The following TYR variants were observed in gnomAD, a reference collection of about 807,000 sequenced individuals.
The protein encoded by TYR is tyrosinase.
In TYR, 58 loss-of-function variants were observed where a neutral mutation model predicts 51.5. The observed-to-expected ratio is 1.13, with a 90% CI of 0.91 to 1.40. The LOEUF (loss-of-function observed/expected upper bound fraction) is 1.40, where lower values mean the gene tolerates loss of function less well. Among genes scored for constraint, TYR ranks in the 40% most tolerant of loss-of-function variants. The pLI is 0.00. For synonymous variants in TYR, 263 were observed against 235.2 expected (o/e 1.12, Z -1.08); for missense variants, 732 against 647.4 (o/e 1.13, Z -1.42).
intron 2 of TYR, among the ~76,000 whole-genome samples, chr11:89,194,540 C>G (rs1221238495): frequency 6.6e-6 from 1 of 152,178 alleles, no homozygotes; most frequent in Non-Finnish European, 1.5e-5. Context: ...ATTTCTTCTA[C>G]AGTTGGCATC....
chr11:89,242,663 A>G (rs1482380657), intron 3 of TYR, among the ~76,000 whole-genome samples: 1 of 152,190 alleles, frequency 6.6e-6, no homozygotes, highest in Admixed American at 6.5e-5. Flanking sequence ...GGAGTGGTTA[A>G]TGGCAGTGTG....
chr11:89,223,979 A>T (rs1305475766), intron 2 of TYR, among the ~76,000 whole-genome samples: 1 of 151,020 alleles, frequency 6.6e-6, no homozygotes, highest in Non-Finnish European at 1.5e-5. Context: ...TATAGTAGTG[A>T]GTAATGAAAT....
intron 3 of TYR, among the ~76,000 whole-genome samples, chr11:89,260,230 C>A (rs934864374): frequency 6.7e-6 from 1 of 150,366 alleles, no homozygotes; most frequent in African/African-American, 2.4e-5. Context: ...TTGAGAGTAG[C>A]CACTTTGAAG....
intron 1 of TYR, 59 bp downstream of exon 1, chr11:89,178,831 C>T: frequency 6.4e-7 from 1 of 1,566,224 alleles, no homozygotes. Flanking sequence ...ATCACTTCTT[C>T]AGGCAGGGTA....
intron 3 of TYR, among the ~76,000 whole-genome samples, chr11:89,258,883 G>A (rs1199797600): frequency 6.6e-6 from 1 of 151,986 alleles, no homozygotes; most frequent in African/African-American, 2.4e-5. Context: ...AGCAGCCAGT[G>A]CCTTTGCCAC....
intron 3 of TYR, among the ~76,000 whole-genome samples, chr11:89,243,033 G>A (rs1466665240): frequency 6.6e-6 from 1 of 152,156 alleles, no homozygotes; most frequent in East Asian, 1.9e-4. Flanking sequence ...AGGTGATACT[G>A]AATAATAAGA....
intron 3 of TYR, among the ~76,000 whole-genome samples, chr11:89,265,990 A>G (rs1214627524): frequency 6.6e-6 from 1 of 152,036 alleles, no homozygotes; most frequent in Non-Finnish European, 1.5e-5. Flanking sequence ...ATATCTAACT[A>G]CTATTTTGGG....
At chr11:89,270,878 A>G (rs1944580246) in intron 3 of TYR, among the ~76,000 whole-genome samples, 1 of 151,838 alleles carries the variant, frequency 6.6e-6, no homozygotes, top group Admixed American at 6.6e-5. Context: ...TGGACACAGG[A>G]CATATAATGA....
intron 1 of TYR, among the ~76,000 whole-genome samples, chr11:89,183,797 C>T (rs1212876766): frequency 2.0e-5 from 3 of 152,052 alleles, no homozygotes; most frequent in East Asian, 3.9e-4. Flanking sequence ...CAGTGTTATA[C>T]ACCCAAAGTT....
At chr11:89,265,690 T>G (rs995622607) in intron 3 of TYR, among the ~76,000 whole-genome samples, 2 of 152,054 alleles carry the variant, frequency 1.3e-5, no homozygotes. Flanking sequence ...ACAAATTGTT[T>G]GTTAGCAGAA....
chr11:89,291,244 A>T (rs1385918807), intron 4 of TYR, among the ~76,000 whole-genome samples: 1 of 151,966 alleles, frequency 6.6e-6, no homozygotes, highest in African/African-American at 2.4e-5. Context: ...AGATTCTAGA[A>T]TTATATCAAT....
chr11:89,240,301 G>C (rs1053480680), intron 3 of TYR, among the ~76,000 whole-genome samples: 1 of 151,874 alleles, frequency 6.6e-6, no homozygotes, highest in Non-Finnish European at 1.5e-5. Flanking sequence ...GATCCAATTG[G>C]TAAAAACTAT....
At chr11:89,199,088 A>T (rs142323731) in intron 2 of TYR, among the ~76,000 whole-genome samples, 3,449 of 152,116 alleles carry the variant, frequency 0.023, 123 homozygotes, top group African/African-American at 0.077. Context: ...AAGGACATGA[A>T]CTCATCCTTT....
In TYR at chr11:89,178,870, G is replaced by A. The variant is rs192709164; in HGVS notation, c.819+98G>A. ...ACTTCTCACCTGAACACTCATTGCA[G>A]CCCCCATCAAGGACAGAAATGGTGC... is the stretch of plus-strand genomic sequence containing the variant. On this transcript the variant is annotated intron_variant, in intron 1 of 4. Coordinates refer to ENST00000263321, the MANE Select transcript of TYR (RefSeq NM_000372.5). 8.5e-5 allele frequency: 106 copies of A among 1,244,152 alleles called. No individual in the cohort carries two copies. In the African/African-American group the frequency reaches 1.4e-3, roughly 17 times the overall value. The allele number at this position is 1,244,152 out of a possible 1,614,324, so 77.1% of individuals were successfully genotyped here. A position where few individuals can be genotyped will look rare whatever the true frequency, so the allele number is the denominator to read the frequency against.
Position 89,295,210 on chromosome 11 carries a change from C to T in TYR, c.1434C>T (p.Leu478=), listed in dbSNP as rs1314984978. Reference sequence around the variant, plus strand: ...AAGCGAGTCGGATCTGGTCATGGCTCCTTGGGGCGGCGATGGTAGGGGCCG... The same window carrying T: ...AAGCGAGTCGGATCTGGTCATGGCTTCTTGGGGCGGCGATGGTAGGGGCCG... ...LEQASRIWSW[L]LGAAMVGAVL... Residue 478 remains leucine (L), a synonymous_variant, in exon 5 of 5, where the codon CTC becomes CTT. Coordinates refer to ENST00000263321, the MANE Select transcript of TYR (RefSeq NM_000372.5). 2.5e-6 allele frequency: 4 copies of T among 1,613,858 alleles called. No individual in the cohort carries two copies. In the African/African-American group the frequency reaches 4.0e-5, roughly 16 times the overall value.
chr11:89,193,954 G>A (rs1943482381), intron 2 of TYR, among the ~76,000 whole-genome samples: 1 of 152,004 alleles, frequency 6.6e-6, no homozygotes, highest in African/African-American at 2.4e-5. Context: ...ATTTTAGTGT[G>A]TATTTCCTAA....
At chr11:89,205,761 A>G (rs1443334656) in intron 2 of TYR, among the ~76,000 whole-genome samples, 1 of 152,158 alleles carries the variant, frequency 6.6e-6, no homozygotes, top group African/African-American at 2.4e-5. Flanking sequence ...TCTTAAGAAG[A>G]AGGGAAATGA....
chr11:89,180,858 C>T (rs1467051164), intron 1 of TYR, among the ~76,000 whole-genome samples: 1 of 152,138 alleles, frequency 6.6e-6, no homozygotes, highest in East Asian at 1.9e-4. Flanking sequence ...TCTCTGGTTA[C>T]AAAGTCCTTA....
chr11:89,244,872 C>T lies in TYR; in HGVS notation c.1184+16902C>T, dbSNP rs116064684. On this transcript the variant is annotated intron_variant, in intron 3 of 4. Coordinates refer to ENST00000263321, the MANE Select transcript of TYR (RefSeq NM_000372.5). ...ACTATTATTCTCCAACTAGTTTCCT[C>T]GAGGGCAGATATGTCAACAACTAAG... 9.4e-3 allele frequency among the ~76,000 whole-genome samples: 1,425 copies of T among 152,260 alleles called. 19 individuals carry two copies. Among genetic ancestry groups the T allele is most frequent in the African/African-American group, 0.033 (1,374 of 41,562 alleles).
Sources: allele counts gnomAD v4.1 joint callset (sites outside exome capture counted in the v4.1 genomes callset), GRCh38; gene constraint gnomAD v4.1.1; transcripts MANE v1.5; gene names NCBI Gene and HGNC (gene_info 2026-07-23, HGNC 2026-07-21).